BATF: variants seen among roughly 807,000 people sequenced by gnomAD.
BATF encodes basic leucine zipper ATF-like transcription factor.
In BATF, 5 loss-of-function variants were observed where a neutral mutation model predicts 13.7. The observed-to-expected ratio is 0.36, with a 90% CI of 0.19 to 0.77. The LOEUF is 0.77. BATF is among the 30% of genes least tolerant of loss of function. The pLI, the probability that BATF is intolerant of heterozygous loss-of-function variation, is 0.51. For synonymous variants in BATF, 72 were observed against 67.5 expected, an observed-to-expected ratio of 1.07 and a Z score of -0.33; for missense variants, 124 against 163.0, an observed-to-expected ratio of 0.76 and a Z score of 1.30.
intron 2 of BATF, among the ~76,000 whole-genome samples, chr14:75,544,641 T>C (rs1350150776): frequency 6.6e-6 from 1 of 151,824 alleles, no homozygotes; most frequent in Non-Finnish European, 1.5e-5. Context: ...TTCACATTCC[T>C]AGATTTTAGG....
At chr14:75,531,436 T>C (rs533632525) in intron 2 of BATF, among the ~76,000 whole-genome samples, 38 of 152,336 alleles carry the variant, frequency 2.5e-4, no homozygotes, top group African/African-American at 8.7e-4. Context: ...ATAGCAGTGT[T>C]AGCCCTGAGC....
chr14:75,525,240 G>A (rs367895906), intron 2 of BATF, 52 bp downstream of exon 2: 626 of 1,542,904 alleles, frequency 4.1e-4, no homozygotes, highest in South Asian at 4.6e-4. Flanking sequence ...TTTGCCCTCC[G>A]CCATCTGGGA....
rs754484991 is a variant in BATF, at chr14:75,546,620, C to T, written c.327C>T (p.Ser109=). 1.9e-6 allele frequency: 3 copies of T among 1,613,230 alleles called. No individual in the cohort carries two copies. Among genetic ancestry groups the T allele is most frequent in the Non-Finnish European group, 2.5e-6 (3 of 1,179,630 alleles). Residue 109 remains serine, a synonymous_variant, in exon 3 of 3, where the codon AGC becomes AGT. Transcript: ENST00000286639. The stretch of plus-strand genomic sequence containing the variant: ...CCTCGCCCCCCGAGGTGGTGTACAG[C>T]GCCCACGCATTCCACCAACCTCATG... ...STPSPPEVVY[S]AHAFHQPHVS...
chr14:75,546,321 G>T, intron 2 of BATF, 141 bp from the exon 3 acceptor site: 1 of 794,060 alleles, frequency 1.3e-6, no homozygotes. Context: ...ACATTCACAC[G>T]TGCAGGAAAA....
chr14:75,538,777 C>T (rs188178590), intron 2 of BATF, among the ~76,000 whole-genome samples: 137 of 152,168 alleles, frequency 9.0e-4, no homozygotes, highest in African/African-American at 3.1e-3. Flanking sequence ...GGCGGGTGCC[C>T]GTAGTCCCAG....
intron 1 of BATF, among the ~76,000 whole-genome samples, chr14:75,524,667 C>T (rs1160233571): frequency 6.6e-6 from 1 of 152,014 alleles, no homozygotes; most frequent in Non-Finnish European, 1.5e-5. Flanking sequence ...ATAGTAGGCA[C>T]TCAACAAAGT....
At position 75,546,824 on chromosome 14, in the gene BATF, T is replaced by A; in HGVS notation, c.*153T>A. The A allele has an allele frequency of 9.3e-7, 1 of 1,076,664 alleles. No homozygotes were observed. Among genetic ancestry groups the A allele is most frequent in the Non-Finnish European group, 1.4e-6 (1 of 731,022 alleles). The allele number at this position is 1,076,664 out of a possible 1,614,324, so 66.7% of individuals were successfully genotyped here. A position where few individuals can be genotyped will look rare whatever the true frequency, so the allele number is the denominator to read the frequency against. ...GGGAACTGTCACGACTGGAAGGGCG[T>A]GAGGCCTCCCAGCAGTGCCGCAGCG... On this transcript the variant is annotated 3_prime_UTR_variant, in exon 3 of 3. Coordinates refer to ENST00000286639, the MANE Select transcript of BATF (RefSeq NM_006399.5).
At chr14:75,532,277 A>G (rs1460312246) in intron 2 of BATF, among the ~76,000 whole-genome samples, 2 of 152,218 alleles carry the variant, frequency 1.3e-5, no homozygotes, top group East Asian at 3.9e-4. Context: ...GAATCTCTAC[A>G]TGAATTAATT....
At chr14:75,527,642 G>A (rs954011950) in intron 2 of BATF, among the ~76,000 whole-genome samples, 1 of 152,164 alleles carries the variant, frequency 6.6e-6, no homozygotes, top group Non-Finnish European at 1.5e-5. Context: ...AGCCCAAAGA[G>A]TCAGCTCATC....
intron 2 of BATF, among the ~76,000 whole-genome samples, chr14:75,539,256 A>G (rs948641328): frequency 2.6e-5 from 4 of 152,026 alleles, no homozygotes; most frequent in Non-Finnish European, 5.9e-5. Flanking sequence ...GCATCAGTCT[A>G]TGTTGAAGGA....
chr14:75,533,724 C>G (rs1389227575), intron 2 of BATF, among the ~76,000 whole-genome samples: 1 of 152,148 alleles, frequency 6.6e-6, no homozygotes, highest in African/African-American at 2.4e-5. Flanking sequence ...GAGGGTTCCA[C>G]TACGGGTTCA....
In BATF at chr14:75,526,559, A is replaced by ACTGCACCAACAGCT. The variant is rs552500878; in HGVS notation, c.168+1375_168+1388dup. Among the ~76,000 whole-genome samples, 336 of 152,372 alleles carry ACTGCACCAACAGCT rather than the reference A, an allele frequency of 2.2e-3. 1 individual carries two copies. Among genetic ancestry groups the ACTGCACCAACAGCT allele is most frequent in the African/African-American group, 7.9e-3 (329 of 41,594 alleles). On this transcript the variant is annotated intron_variant, in intron 2 of 2. Coordinates refer to ENST00000286639, the MANE Select transcript of BATF (RefSeq NM_006399.5). ...TCAGCTTTACAAGGAAACAGAGCAG[A>ACTGCACCAACAGCT]CTGCACCAACAGCTCTGATTGGGTG...
chr14:75,535,471 T>TC (rs1368788079), intron 2 of BATF, among the ~76,000 whole-genome samples: 3 of 152,128 alleles, frequency 2.0e-5, no homozygotes, highest in Admixed American at 6.6e-5. Context: ...GGGACTAGGA[T>TC]CATGGGCGTT....
Position 75,522,758 on chromosome 14 carries a change from T to G in BATF, c.63+13T>G. ...CCCTGGCAAACAGGTAGAGTCCTCCTTTTTCTCTCTCCTACCTTCTGATTC... is the reference window on the plus strand; with the variant it reads ...CCCTGGCAAACAGGTAGAGTCCTCCGTTTTCTCTCTCCTACCTTCTGATTC... On this transcript the variant is annotated intron_variant, in intron 1 of 2. Coordinates refer to ENST00000286639, the MANE Select transcript of BATF (RefSeq NM_006399.5). The G allele has an allele frequency of 1.2e-6, 2 of 1,613,874 alleles. No individual in the cohort carries two copies. Among genetic ancestry groups the G allele is most frequent in the Non-Finnish European group, 1.7e-6 (2 of 1,179,784 alleles).
rs1181165777 is a variant in BATF at position 75,525,203 on chromosome 14, C to G, written c.168+15C>G. ...CCCTGCACCTGGTAAGTGTTCAGAT[C>G]AATCTTCATCCTCGTGAGCTTTAGG... On this transcript the variant is annotated intron_variant, in intron 2 of 2. Transcript: ENST00000286639. 1 of 1,609,358 alleles carries G rather than the reference C, an allele frequency of 6.2e-7. No homozygotes were observed. Among genetic ancestry groups the G allele is most frequent in the Non-Finnish European group, 8.5e-7 (1 of 1,176,928 alleles).
intron 2 of BATF, among the ~76,000 whole-genome samples, chr14:75,540,930 AC>A (rs1887886988): frequency 2.0e-5 from 3 of 152,146 alleles, no homozygotes; most frequent in Non-Finnish European, 1.5e-5. Context: ...TACTAGAAAT[AC>A]AAAAAGTTAG....
chr14:75,544,129 C>T (rs976319042), intron 2 of BATF, among the ~76,000 whole-genome samples: 4 of 152,150 alleles, frequency 2.6e-5, no homozygotes, highest in African/African-American at 9.7e-5. Flanking sequence ...ATAATTAAAA[C>T]AAATTTAAAA....
At chr14:75,545,869 C>T (rs989295658) in intron 2 of BATF, among the ~76,000 whole-genome samples, 2 of 151,464 alleles carry the variant, frequency 1.3e-5, no homozygotes, top group Admixed American at 6.6e-5. Context: ...GCTTTTTTGC[C>T]GGGAGGAGAG....
intron 2 of BATF, among the ~76,000 whole-genome samples, chr14:75,534,836 A>T (rs913465660): frequency 6.6e-6 from 1 of 152,080 alleles, no homozygotes; most frequent in Non-Finnish European, 1.5e-5. Context: ...TGCCTCATTC[A>T]TTTCATTCCT....
Sources: gnomAD v4.1 joint callset for allele counts (sites outside exome capture counted in the v4.1 genomes callset) on GRCh38, gnomAD v4.1.1 for gene constraint, MANE v1.5 for transcripts, NCBI Gene and HGNC (gene_info 2026-07-23, HGNC 2026-07-21) for gene names.